The following RBFOX1 variants were observed in gnomAD, a reference collection of about 807,000 sequenced individuals.
RBFOX1 encodes RNA binding fox-1 homolog 1, also known as RNA binding protein fox-1 homolog 1.
A neutral mutation model predicts 57.7 loss-of-function variants in RBFOX1; 8 were observed. The ratio of observed to expected loss-of-function variants is 0.14; its 90% confidence interval spans 0.08 to 0.25. RBFOX1 has a LOEUF of 0.25. Ranked by LOEUF, RBFOX1 falls within the 10% of genes least tolerant of loss-of-function variation. The pLI is 1.00. For synonymous variants in RBFOX1, 326 were observed against 222.4 expected, an observed-to-expected ratio of 1.47 and a Z score of -4.15; for missense variants, 611 against 548.5, an observed-to-expected ratio of 1.11 and a Z score of -1.14.
intron 2 of RBFOX1, among the ~76,000 whole-genome samples, chr16:6,638,157 T>G (rs765634911): frequency 6.6e-6 from 1 of 152,168 alleles, no homozygotes; most frequent in Non-Finnish European, 1.5e-5. Context: ...GGGATTATTT[T>G]TAATTGTCTT....
intron 2 of RBFOX1, among the ~76,000 whole-genome samples, chr16:6,327,897 A>G (rs1324714043): frequency 6.6e-6 from 1 of 152,150 alleles, no homozygotes; most frequent in East Asian, 1.9e-4. Context: ...ATTCATGTAT[A>G]AGAACTTTGT....
At chr16:6,985,659 C>G (rs942307822) in intron 3 of RBFOX1, among the ~76,000 whole-genome samples, 3 of 151,988 alleles carry the variant, frequency 2.0e-5, no homozygotes, top group Non-Finnish European at 4.4e-5. Context: ...AAAACCCCAT[C>G]TCTACAAAAA....
chr16:5,911,541 C>T (rs555292072), intron 4 of RBFOX1, among the ~76,000 whole-genome samples: 7 of 152,300 alleles, frequency 4.6e-5, no homozygotes, highest in South Asian at 2.1e-4. Context: ...GAGTCTTCAA[C>T]GCCTTGTTCG....
intron 2 of RBFOX1, among the ~76,000 whole-genome samples, chr16:6,507,821 G>A (rs1487924551): frequency 6.6e-6 from 1 of 151,996 alleles, no homozygotes; most frequent in Non-Finnish European, 1.5e-5. Context: ...GCTAGAAGGA[G>A]GGGGGAATGG....
chr16:5,490,081 C>T (rs747266217), intron 2 of RBFOX1, among the ~76,000 whole-genome samples: 1 of 152,236 alleles, frequency 6.6e-6, no homozygotes, highest in Non-Finnish European at 1.5e-5. Flanking sequence ...AACCTGTCCT[C>T]AGCTTCTACT....
chr16:5,420,461 C>T (rs1376488293), intron 1 of RBFOX1, among the ~76,000 whole-genome samples: 4 of 152,140 alleles, frequency 2.6e-5, no homozygotes, highest in Non-Finnish European at 5.9e-5. Context: ...CACACACACT[C>T]ATACACTCAT....
At chr16:7,682,545 GTT>G (rs113114330) in intron 14 of RBFOX1, among the ~76,000 whole-genome samples, 29 of 136,624 alleles carry the variant, frequency 2.1e-4, no homozygotes, top group African/African-American at 7.6e-4. Flanking sequence ...CTTGGTTTTA[GTT>G]TTTTTTTTTT....
chr16:5,889,705 C>T (rs1023296332), intron 4 of RBFOX1, among the ~76,000 whole-genome samples: 1 of 152,208 alleles, frequency 6.6e-6, no homozygotes, highest in East Asian at 1.9e-4. Context: ...CTGTCCGTGG[C>T]AGCCCATGCT....
At chr16:6,113,428 A>G (rs1171616334) in intron 1 of RBFOX1, among the ~76,000 whole-genome samples, 1 of 152,212 alleles carries the variant, frequency 6.6e-6, no homozygotes, top group Non-Finnish European at 1.5e-5. Context: ...GAAGAACCAC[A>G]GCGACATAAA....
At chr16:5,975,280 G>A (rs1275250382) in intron 4 of RBFOX1, among the ~76,000 whole-genome samples, 2 of 152,152 alleles carry the variant, frequency 1.3e-5, no homozygotes, top group East Asian at 3.9e-4. Flanking sequence ...TCTGCCTCAT[G>A]CCTCCATTGC....
intron 4 of RBFOX1, among the ~76,000 whole-genome samples, chr16:7,309,280 G>C (rs1008444790): frequency 6.6e-6 from 1 of 152,218 alleles, no homozygotes; most frequent in Non-Finnish European, 1.5e-5. Context: ...AGGTGAGCTG[G>C]GGGTCATCTG....
intron 3 of RBFOX1, among the ~76,000 whole-genome samples, chr16:5,654,299 C>T (rs1296107150): frequency 6.6e-6 from 1 of 152,124 alleles, no homozygotes; most frequent in African/African-American, 2.4e-5. Flanking sequence ...CTTCTGGGAG[C>T]CAAGTGTTGA....
intron 13 of RBFOX1, among the ~76,000 whole-genome samples, chr16:7,672,828 T>C (rs1250304442): frequency 2.7e-5 from 3 of 112,796 alleles, no homozygotes; most frequent in African/African-American, 3.5e-5. Context: ...GATTGCGCCA[T>C]TGTACTCCAG....
chr16:5,377,871 G>T (rs1331142390), intron 1 of RBFOX1, among the ~76,000 whole-genome samples: 2 of 151,616 alleles, frequency 1.3e-5, no homozygotes, highest in African/African-American at 2.4e-5. Context: ...CAATCACAGG[G>T]TCAACATGTG....
At chr16:5,775,291 A>G (rs1485370971) in intron 3 of RBFOX1, among the ~76,000 whole-genome samples, 1 of 151,934 alleles carries the variant, frequency 6.6e-6, no homozygotes. Context: ...TTCTCACCCC[A>G]CACACCTTTC....
intron 2 of RBFOX1, among the ~76,000 whole-genome samples, chr16:6,535,144 G>T (rs770868167): frequency 1.3e-5 from 2 of 152,190 alleles, no homozygotes; most frequent in Non-Finnish European, 2.9e-5. Flanking sequence ...AGTGGAAAAC[G>T]TGTGCTGGTT....
intron 2 of RBFOX1, among the ~76,000 whole-genome samples, chr16:6,568,042 G>A (rs946922574): frequency 1.3e-5 from 2 of 152,138 alleles, no homozygotes; most frequent in African/African-American, 4.8e-5. Context: ...GGCTGGCCTT[G>A]AACTTCTGGC....
chr16:6,103,502 GGTACTTAACA>G (rs754660304), intron 1 of RBFOX1, among the ~76,000 whole-genome samples: 1 of 151,886 alleles, frequency 6.6e-6, no homozygotes, highest in Non-Finnish European at 1.5e-5. Flanking sequence ...CAACTTTTCA[GGTACTTAACA>G]GCATCAAAGT....
At chr16:5,527,444 T>C (rs527875462) in intron 2 of RBFOX1, among the ~76,000 whole-genome samples, 15 of 152,272 alleles carry the variant, frequency 9.9e-5, no homozygotes, top group African/African-American at 3.1e-4. Context: ...GAGGATGGCA[T>C]TGGAAAGTTG....
Sources: allele counts gnomAD v4.1 joint callset (sites outside exome capture counted in the v4.1 genomes callset), GRCh38; gene constraint gnomAD v4.1.1; transcripts MANE v1.5; gene names NCBI Gene and HGNC (gene_info 2026-07-23, HGNC 2026-07-21).